Variants in GMIP observed in about 807,000 individuals in gnomAD.
The protein encoded by GMIP is GEM interacting protein.
A neutral mutation model predicts 105.3 loss-of-function variants in GMIP; 54 were observed. The observed-to-expected ratio is 0.51, with a 90% CI of 0.41 to 0.64. GMIP has a LOEUF of 0.64. GMIP is among the 30% of genes least tolerant of loss of function. GMIP has a pLI of 0.00. For synonymous variants in GMIP, 541 were observed against 560.8 expected (o/e 0.96, Z 0.50); for missense variants, 1,110 against 1,319.4 (o/e 0.84, Z 2.46).
Position 19,637,418 on chromosome 19 carries a change from C to T in GMIP, c.1071G>A (p.Pro357=). 3 of 1,485,824 alleles carry T rather than the reference C, an allele frequency of 2.0e-6. No individual in the cohort carries two copies. Among genetic ancestry groups the T allele is most frequent in the Non-Finnish European group, 2.7e-6 (3 of 1,124,210 alleles). 92.0% of individuals were successfully genotyped at this position (1,485,824 alleles called of 1,614,324 possible). ...EFVRALRPEA[P]PPPPPAFSFQ... ...AGGAGAAGGCGGGCGGCGGGGGCGG[C>T]GGGGCCTCGGGCCGCAGCGCCCGTA... is the stretch of plus-strand genomic sequence containing the variant. Residue 357 remains proline (P), a synonymous_variant, in exon 11 of 21, where the codon CCG becomes CCA. Coordinates refer to ENST00000203556, the MANE Select transcript of GMIP (RefSeq NM_016573.4). The surrounding 1 kb of genome is among the most constrained non-coding windows in gnomAD (Gnocchi z 6.7).
At position 19,634,717 on chromosome 19, in the gene GMIP, G is replaced by A. The variant is rs201648478; in HGVS notation, c.1888-14C>T. On this transcript the variant is annotated splice_polypyrimidine_tract_variant and intron_variant, in intron 17 of 20. Transcript: ENST00000203556. This position sits in a 1 kb window ranked among gnomAD's most constrained non-coding sequence, Gnocchi z 6.1. ...GGGCTCGGTGAGCTGGGGGTGGAAC[G>A]GAGGGCGCAACACGAGTGTGGGTGG... 126 of 1,608,278 alleles carry A rather than the reference G, an allele frequency of 7.8e-5. No homozygotes were observed. The highest frequency in any genetic ancestry group is 6.0e-4 in the East Asian group (27 of 44,736).
Position 19,635,514 on chromosome 19 carries a change from C to T in GMIP, c.1461G>A (p.Leu487=). 6.2e-7 allele frequency: 1 copy of T among 1,613,204 alleles called. No individual in the cohort carries two copies. Among genetic ancestry groups the T allele is most frequent in the Non-Finnish European group, 8.5e-7 (1 of 1,180,004 alleles). Reference sequence around the variant, plus strand: ...GCTGGTGGGTCTGAGCCGCGCTGGACAGTGTCCACTTCCCGAAGGGGCTGC... The same window carrying T: ...GCTGGTGGGTCTGAGCCGCGCTGGATAGTGTCCACTTCCCGAAGGGGCTGC... ...GLGSPFGKWT[L]SSAAQTHQLR... Residue 487 remains leucine, a synonymous_variant, in exon 15 of 21, where the codon CTG becomes CTA. Transcript: ENST00000203556. This position sits in a 1 kb window ranked among gnomAD's most constrained non-coding sequence, Gnocchi z 4.7.
In GMIP at chr19:19,637,643, A is replaced by T; in HGVS notation, c.928-82T>A. On this transcript the variant is annotated intron_variant, in intron 10 of 20. Transcript: ENST00000203556. The surrounding 1 kb of genome is among the most constrained non-coding windows in gnomAD (Gnocchi z 6.7). ...GGCCAGAGCTGGGGCGGGGCTTGAG[A>T]GACGCGAACGTGGTCAGGGTTTGGG... 1 of 1,178,630 alleles carries T rather than the reference A, an allele frequency of 8.5e-7. No homozygotes were observed. The allele number at this position is 1,178,630 out of a possible 1,614,324, so 73.0% of individuals were successfully genotyped here.
At chr19:19,640,606 C>T in intron 4 of GMIP, 35 bp from the exon 5 acceptor site, 2 of 1,612,388 alleles carry the variant, frequency 1.2e-6, no homozygotes, top group South Asian at 2.2e-5. Flanking sequence ...ACCTTTGCAC[C>T]CTAGTCTGCT....
At chr19:19,639,143 C>A (rs1209283999) in intron 7 of GMIP, among the ~76,000 whole-genome samples, 1 of 151,848 alleles carries the variant, frequency 6.6e-6, no homozygotes, top group Non-Finnish European at 1.5e-5. Flanking sequence ...ACTATGTTGC[C>A]CAGGTTAGTC....
chr19:19,641,930 C>T (rs1202437210), intron 3 of GMIP, 46 bp downstream of exon 3: 28 of 1,597,586 alleles, frequency 1.8e-5, no homozygotes, highest in Non-Finnish European at 2.3e-5. Context: ...TCCTAAGGCC[C>T]CCTCTGCTTG....
chr19:19,629,874 G>A lies in GMIP; in HGVS notation c.*89C>T. The A allele has an allele frequency of 7.7e-7, 1 of 1,296,286 alleles. No individual in the cohort carries two copies. 80.3% of individuals were successfully genotyped at this position (1,296,286 alleles called of 1,614,324 possible). On this transcript the variant is annotated 3_prime_UTR_variant, in exon 21 of 21. Transcript: ENST00000203556. ...TCTCCCAGCATTGAACTCCTGGCGG[G>A]GTGTTTGGCCACTAGGTGGTGGGAG...
Position 19,643,504 on chromosome 19 carries a change from C to T in GMIP, c.19+7G>A, listed in dbSNP as rs1191064229. The T allele has an allele frequency of 6.5e-7, 1 of 1,547,480 alleles. No individual in the cohort carries two copies. ...GGGAGGCCCCTCCCGGATCCCCGAC[C>T]CCCTACCCGGCTCTGCTGCGTCCAT... On this transcript the variant is annotated splice_region_variant and intron_variant, in intron 1 of 20. Transcript: ENST00000203556.
At position 19,634,637 on chromosome 19, in the gene GMIP, C is replaced by A. The variant is rs749681197; in HGVS notation, c.1954G>T (p.Ala652Ser). ...GTCCCAGGGTCGTCCCCAGGGTCTG[C>A]ATGCAAGGTCTTAGCCAGAGAGATG... ...AFISLAKTLH[A>S]DPGDDPGTPS... The change falls in exon 18 of 21, where the codon GCA (alanine) becomes TCA (serine). Residue 652 changes from alanine to serine, a missense_variant. Coordinates refer to ENST00000203556, the MANE Select transcript of GMIP (RefSeq NM_016573.4). This position sits in a 1 kb window ranked among gnomAD's most constrained non-coding sequence, Gnocchi z 6.1. 1 of 1,613,322 alleles carries A rather than the reference C, an allele frequency of 6.2e-7. No individual in the cohort carries two copies. Among genetic ancestry groups the A allele is most frequent in the Non-Finnish European group, 8.5e-7 (1 of 1,179,734 alleles).
At position 19,637,584 on chromosome 19, in the gene GMIP, T is replaced by C; in HGVS notation, c.928-23A>G. On this transcript the variant is annotated intron_variant, in intron 10 of 20. Transcript: ENST00000203556. This position sits in a 1 kb window ranked among gnomAD's most constrained non-coding sequence, Gnocchi z 6.7. Reference sequence around the variant, plus strand: ...CACCTGCCGGGTGGAGACAGCAGGTTGGGGAGGGGCGGAGCCTGGGAGCCT... The same window carrying C: ...CACCTGCCGGGTGGAGACAGCAGGTCGGGGAGGGGCGGAGCCTGGGAGCCT... 1 of 1,490,702 alleles carries C rather than the reference T, an allele frequency of 6.7e-7. No homozygotes were observed. The highest frequency in any genetic ancestry group is 1.4e-5 in the African/African-American group (1 of 70,268). The allele number at this position is 1,490,702 out of a possible 1,614,324, so 92.3% of individuals were successfully genotyped here.
chr19:19,638,335 G>A lies in GMIP; in HGVS notation c.619-6C>T. 2 of 1,614,066 alleles carry A rather than the reference G, an allele frequency of 1.2e-6. No individual in the cohort carries two copies. Among genetic ancestry groups the A allele is most frequent in the Non-Finnish European group, 1.7e-6 (2 of 1,180,032 alleles). On this transcript the variant is annotated splice_region_variant and splice_polypyrimidine_tract_variant and intron_variant, in intron 8 of 20. Coordinates refer to ENST00000203556, the MANE Select transcript of GMIP (RefSeq NM_016573.4). ...AGTGCCTGCACCGCCTCATTCTGGG[G>A]GATGATGAGAAGGTCAGCGTCCCGG...
chr19:19,635,297 G>A lies in GMIP; in HGVS notation c.1561-84C>T, dbSNP rs1599406727. 1 of 1,515,152 alleles carries A rather than the reference G, an allele frequency of 6.6e-7. No homozygotes were observed. The highest frequency in any genetic ancestry group is 2.3e-5 in the East Asian group (1 of 44,252). 93.9% of individuals were successfully genotyped at this position (1,515,152 alleles called of 1,614,324 possible). On this transcript the variant is annotated intron_variant, in intron 15 of 20. Coordinates refer to ENST00000203556, the MANE Select transcript of GMIP (RefSeq NM_016573.4). The surrounding 1 kb of genome is among the most constrained non-coding windows in gnomAD (Gnocchi z 4.7). ...TTACAAGGATCCTCAAGGAATGGGG[G>A]CTCATGGGAGACATCAGGTTAGGGT...
rs1288086004 is a variant in GMIP, at chr19:19,630,731, G to A, written c.2473-194C>T. 6.6e-6 allele frequency among the ~76,000 whole-genome samples: 1 copy of A among 152,212 alleles called. No homozygotes were observed. Among genetic ancestry groups the A allele is most frequent in the Non-Finnish European group, 1.5e-5 (1 of 68,046 alleles). ...ATGAGGGAAAGGTGGTAGGAAGTGAGACCAAAGAGGAGTGGGCCCAGGTGG... is the reference window on the plus strand; with the variant it reads ...ATGAGGGAAAGGTGGTAGGAAGTGAAACCAAAGAGGAGTGGGCCCAGGTGG... On this transcript the variant is annotated intron_variant, in intron 19 of 20. Transcript: ENST00000203556. The surrounding 1 kb of genome is among the most constrained non-coding windows in gnomAD (Gnocchi z 4.8).
chr19:19,634,459 T>C lies in GMIP; in HGVS notation c.2084+48A>G, dbSNP rs771600609. Reference sequence around the variant, plus strand: ...TCAGCCAGGGAAGTTAGTAGTCGCATGTCCAGGGAAAAGGGTCGCGTTTCA... The same window carrying C: ...TCAGCCAGGGAAGTTAGTAGTCGCACGTCCAGGGAAAAGGGTCGCGTTTCA... On this transcript the variant is annotated intron_variant, in intron 18 of 20. Coordinates refer to ENST00000203556, the MANE Select transcript of GMIP (RefSeq NM_016573.4). This position sits in a 1 kb window ranked among gnomAD's most constrained non-coding sequence, Gnocchi z 6.1. 8 of 1,489,872 alleles carry C rather than the reference T, an allele frequency of 5.4e-6. No homozygotes were observed. Among genetic ancestry groups the C allele is most frequent in the African/African-American group, 2.8e-5 (2 of 70,740 alleles). 92.3% of individuals were successfully genotyped at this position (1,489,872 alleles called of 1,614,324 possible). A position where few individuals can be genotyped will look rare whatever the true frequency, so the allele number is the denominator to read the frequency against.
Position 19,634,763 on chromosome 19 carries a change from G to C in GMIP, c.1887+29C>G, listed in dbSNP as rs1036735824. 4 of 1,611,878 alleles carry C rather than the reference G, an allele frequency of 2.5e-6. No homozygotes were observed. The highest frequency in any genetic ancestry group is 2.7e-5 in the African/African-American group (2 of 74,872). On this transcript the variant is annotated intron_variant, in intron 17 of 20. Coordinates refer to ENST00000203556, the MANE Select transcript of GMIP (RefSeq NM_016573.4). The surrounding 1 kb of genome is among the most constrained non-coding windows in gnomAD (Gnocchi z 6.1). ...GGTGGGCTGTGGAGGGCTCCTGCCC[G>C]CGTCCCCCTCAGTGTCCTGAGCACC...
At chr19:19,640,796 G>A (rs947955803) in intron 4 of GMIP, among the ~76,000 whole-genome samples, 2 of 151,554 alleles carry the variant, frequency 1.3e-5, no homozygotes, top group Non-Finnish European at 2.9e-5. Context: ...ACTGTGTTTC[G>A]CTCTTGTTGC....
At position 19,633,947 on chromosome 19, in the gene GMIP, G is replaced by A. The variant is rs776348998; in HGVS notation, c.2328C>T (p.Ala776=). The A allele has an allele frequency of 1.3e-6, 2 of 1,578,202 alleles. No individual in the cohort carries two copies. The highest frequency in any genetic ancestry group is 1.7e-5 in the Admixed American group (1 of 57,860). Residue 776 remains alanine (A), a synonymous_variant, in exon 19 of 21, where the codon GCC becomes GCT. Coordinates refer to ENST00000203556, the MANE Select transcript of GMIP (RefSeq NM_016573.4). ...TEPPPQDSSP[A]PGPLTTSSQP... ...GGGAGCTGGTTGTGAGGGGCCCAGG[G>A]GCTGGGCTGGAGTCTTGGGGCGGGG...
At chr19:19,631,699 G>A (rs867839232) in intron 19 of GMIP, among the ~76,000 whole-genome samples, 3 of 152,280 alleles carry the variant, frequency 2.0e-5, no homozygotes, top group Middle Eastern at 3.4e-3. Flanking sequence ...AAGATTCTAC[G>A]CCAGGCGGCC....
At chr19:19,639,573 G>A (rs1032727071) in intron 7 of GMIP, among the ~76,000 whole-genome samples, 2 of 152,130 alleles carry the variant, frequency 1.3e-5, no homozygotes, top group African/African-American at 4.8e-5. Context: ...TTTTGGCTGG[G>A]CGTGGTGGCT....
Sources: gnomAD v4.1 joint callset for allele counts (sites outside exome capture counted in the v4.1 genomes callset) on GRCh38, gnomAD v4.1.1 for gene constraint, Gnocchi (gnomAD v3.1) non-coding constraint, MANE v1.5 for transcripts, NCBI Gene and HGNC (gene_info 2026-07-23, HGNC 2026-07-21) for gene names.